The following HSPA9 variants were observed in gnomAD, a reference collection of about 807,000 sequenced individuals.
The protein encoded by HSPA9 is heat shock protein family A (Hsp70) member 9.
HSPA9 carries 28 observed loss-of-function variants against 81.5 expected under a neutral mutation model. The observed-to-expected ratio is 0.34, with a 90% CI of 0.25 to 0.47. The LOEUF (loss-of-function observed/expected upper bound fraction) is 0.47, where lower values mean the gene tolerates loss of function less well. Ranked by LOEUF, HSPA9 falls within the 20% of genes least tolerant of loss-of-function variation. The probability of loss-of-function intolerance (pLI) is 1.00; values close to 1 mark genes in which losing one functional copy is unlikely to be tolerated. For missense variants in HSPA9, 678 were observed against 838.0 expected (o/e 0.81, Z 2.36); for synonymous variants, 293 against 290.4 (o/e 1.01, Z -0.09).
chr5:138,561,404 C>T (rs898303917), intron 10 of HSPA9, among the ~76,000 whole-genome samples, 176 bp downstream of exon 10: 3 of 152,124 alleles, frequency 2.0e-5, no homozygotes, highest in African/African-American at 7.2e-5. Context: ...CCACCATGCC[C>T]AGCCTATTTT....
chr5:138,556,908 C>T, intron 14 of HSPA9, 42 bp from the exon 15 acceptor site: 1 of 1,394,906 alleles, frequency 7.2e-7, no homozygotes, highest in Non-Finnish European at 1.0e-6. Context: ...TTCCAATCAA[C>T]CAAAGTTTGC....
At chr5:138,556,729 T>C in intron 15 of HSPA9, 45 bp downstream of exon 15, 1 of 1,570,006 alleles carries the variant, frequency 6.4e-7, no homozygotes, top group Non-Finnish European at 8.8e-7. Context: ...CTGGCATTGG[T>C]AAAAATGTGT....
intron 10 of HSPA9, among the ~76,000 whole-genome samples, chr5:138,561,302 T>TCATA (rs779772456): frequency 4.6e-4 from 70 of 152,176 alleles, no homozygotes; most frequent in Admixed American, 1.0e-3. Context: ...CCCTAATTTT[T>TCATA]CATACATACA....
chr5:138,565,574 T>C (rs1002318748), intron 9 of HSPA9, among the ~76,000 whole-genome samples: 51 of 152,240 alleles, frequency 3.3e-4, no homozygotes, highest in Non-Finnish European at 1.0e-4. Flanking sequence ...AAATGGTTTA[T>C]ATAATTCTAT....
At chr5:138,556,305 TAG>T (rs1349953107) in intron 16 of HSPA9, 145 bp downstream of exon 16, 9 of 1,154,152 alleles carry the variant, frequency 7.8e-6, no homozygotes, top group South Asian at 2.5e-5. Flanking sequence ...AATGCCAAAG[TAG>T]AGTCAAGACG....
intron 2 of HSPA9, 34 bp downstream of exon 2, chr5:138,574,034 T>C: frequency 6.5e-7 from 1 of 1,529,354 alleles, no homozygotes; most frequent in South Asian, 1.1e-5. Context: ...GTTTAATATG[T>C]ATTCCCTCTC....
intron 3 of HSPA9, among the ~76,000 whole-genome samples, chr5:138,571,463 C>A (rs1018630114): frequency 6.6e-6 from 1 of 151,750 alleles, no homozygotes; most frequent in East Asian, 2.0e-4. Flanking sequence ...GCGATACAGG[C>A]ATGAGCCAAT....
At position 138,566,941 on chromosome 5, in the gene HSPA9, T is replaced by A. The variant is rs749167743; in HGVS notation, c.879+60A>T. 2.6e-6 allele frequency: 4 copies of A among 1,540,936 alleles called. No homozygotes were observed. In the African/African-American group the frequency reaches 5.4e-5, roughly 21 times the overall value. On this transcript the variant is annotated intron_variant, in intron 8 of 16. Coordinates refer to ENST00000297185, the MANE Select transcript of HSPA9 (RefSeq NM_004134.7). ...AACTCGTAAACAAAGCAAAGAGCAA[T>A]CTGAACAAAGAATTTCTCAATATCC...
chr5:138,557,386 G>C lies in HSPA9; in HGVS notation c.1728+16C>G. Reference sequence around the variant, plus strand: ...GCTTTACTAAGATTAAAGTTCAGAAGACAAGAAGTAATCACCTTCTTTCGC... The same window carrying C: ...GCTTTACTAAGATTAAAGTTCAGAACACAAGAAGTAATCACCTTCTTTCGC... On this transcript the variant is annotated intron_variant, in intron 14 of 16. Transcript: ENST00000297185. 1.9e-6 allele frequency: 3 copies of C among 1,547,582 alleles called. No individual in the cohort carries two copies. Among genetic ancestry groups the C allele is most frequent in the Non-Finnish European group, 2.7e-6 (3 of 1,121,318 alleles).
At chr5:138,556,413 A>C in intron 16 of HSPA9, 39 bp downstream of exon 16, 1 of 1,607,848 alleles carries the variant, frequency 6.2e-7, no homozygotes, top group Non-Finnish European at 8.5e-7. Flanking sequence ...AGTTCCATCC[A>C]GATCAAGTTA....
chr5:138,569,270 T>C (rs1275330147), intron 4 of HSPA9, among the ~76,000 whole-genome samples: 1 of 152,142 alleles, frequency 6.6e-6, no homozygotes, highest in Non-Finnish European at 1.5e-5. Context: ...CACTAACATA[T>C]AAAAACATTA....
chr5:138,571,632 T>G (rs1254007504), intron 3 of HSPA9, among the ~76,000 whole-genome samples: 1 of 152,018 alleles, frequency 6.6e-6, no homozygotes, highest in African/African-American at 2.4e-5. Context: ...TTTAGCCCTT[T>G]ACTTTCAAAC....
intron 4 of HSPA9, among the ~76,000 whole-genome samples, chr5:138,569,936 C>T (rs1446151821): frequency 6.6e-6 from 1 of 150,410 alleles, no homozygotes; most frequent in East Asian, 1.9e-4. Flanking sequence ...TGCTATTACT[C>T]AGACTGGAGT....
chr5:138,566,784 T>A (rs1030865530), intron 8 of HSPA9, 66 bp from the exon 9 acceptor site: 2 of 1,301,518 alleles, frequency 1.5e-6, no homozygotes, highest in Non-Finnish European at 2.2e-6. Flanking sequence ...ACTGCAGTAA[T>A]AAGGTGGAAC....
At chr5:138,563,060 A>G (rs1311972152) in intron 9 of HSPA9, among the ~76,000 whole-genome samples, 1 of 152,022 alleles carries the variant, frequency 6.6e-6, no homozygotes, top group Non-Finnish European at 1.5e-5. Flanking sequence ...TGAATACTTA[A>G]TAAATAGAGT....
At chr5:138,557,353 A>C in intron 14 of HSPA9, 49 bp downstream of exon 14, 1 of 1,311,192 alleles carries the variant, frequency 7.6e-7, no homozygotes, top group Non-Finnish European at 1.1e-6. Context: ...TCCCACTGTC[A>C]AGACTGAGCT....
At chr5:138,566,401 A>G (rs575466925) in intron 9 of HSPA9, among the ~76,000 whole-genome samples, 2 of 152,254 alleles carry the variant, frequency 1.3e-5, no homozygotes, top group African/African-American at 4.8e-5. Flanking sequence ...TAGCTCCAGT[A>G]TATGTAACTG....
In HSPA9 at chr5:138,555,832, A is replaced by C; in HGVS notation, c.*205T>G. 1.7e-6 allele frequency: 1 copy of C among 600,980 alleles called. No homozygotes were observed. Among genetic ancestry groups the C allele is most frequent in the Non-Finnish European group, 2.9e-6 (1 of 339,582 alleles). 37.2% of individuals were successfully genotyped at this position (600,980 alleles called of 1,614,324 possible). On this transcript the variant is annotated 3_prime_UTR_variant, in exon 17 of 17. Coordinates refer to ENST00000297185, the MANE Select transcript of HSPA9 (RefSeq NM_004134.7). ...AAAAATGACAGGCTAGGGACATAGAATATTGTGAACTTTATACTGTTAGAA... is the reference window on the plus strand; with the variant it reads ...AAAAATGACAGGCTAGGGACATAGACTATTGTGAACTTTATACTGTTAGAA...
Position 138,575,356 on chromosome 5 carries a change from G to A in HSPA9, c.-38C>T. 4 of 1,535,506 alleles carry A rather than the reference G, an allele frequency of 2.6e-6. No individual in the cohort carries two copies. Among genetic ancestry groups the A allele is most frequent in the South Asian group, 1.1e-5 (1 of 88,400 alleles). Reference sequence around the variant, plus strand: ...GAGGAGTACGAGGCAGCAAACAAGCGCTCCGACGGCAAAGAGCTGCGCGAT... The same window carrying A: ...GAGGAGTACGAGGCAGCAAACAAGCACTCCGACGGCAAAGAGCTGCGCGAT... On this transcript the variant is annotated 5_prime_UTR_variant, in exon 1 of 17. Coordinates refer to ENST00000297185, the MANE Select transcript of HSPA9 (RefSeq NM_004134.7).
Sources: allele counts gnomAD v4.1 joint callset (sites outside exome capture counted in the v4.1 genomes callset), GRCh38; gene constraint gnomAD v4.1.1; transcripts MANE v1.5; gene names NCBI Gene and HGNC (gene_info 2026-07-23, HGNC 2026-07-21).